NELL1: variants seen among roughly 807,000 people sequenced by gnomAD.
NELL1 encodes neural EGFL like 1, also known as protein kinase C-binding protein NELL1.
NELL1 carries 76 observed loss-of-function variants against 107.4 expected under a neutral mutation model. The ratio of observed to expected loss-of-function variants is 0.71; its 90% CI spans 0.59 to 0.86. NELL1 has a LOEUF of 0.86. NELL1 is among the 40% of genes least tolerant of loss of function. The probability of loss-of-function intolerance (pLI) is 0.00; values close to 1 mark genes in which losing one functional copy is unlikely to be tolerated. For missense variants in NELL1, 1,024 were observed against 1,005.5 expected, an observed-to-expected ratio of 1.02 and a Z score of -0.25; for synonymous variants, 353 against 341.2, an observed-to-expected ratio of 1.03 and a Z score of -0.38.
At chr11:21,209,886 A>G (rs1197689817) in intron 13 of NELL1, among the ~76,000 whole-genome samples, 1 of 152,176 alleles carries the variant, frequency 6.6e-6, no homozygotes. Context: ...AATAATCATT[A>G]CCCATTCTGC....
intron 3 of NELL1, among the ~76,000 whole-genome samples, chr11:20,841,319 G>GTTTTTTTTT (rs397772940): frequency 8.1e-6 from 1 of 123,532 alleles, no homozygotes. Flanking sequence ...CTCTGCTCAT[G>GTTTTTTTTT]TTTTTTTTTT....
intron 14 of NELL1, among the ~76,000 whole-genome samples, chr11:21,230,384 T>C (rs1298181083): frequency 3.9e-5 from 6 of 152,190 alleles, no homozygotes; most frequent in African/African-American, 1.4e-4. Context: ...ACACTTGATC[T>C]TCTCCCCCCA....
chr11:20,891,721 T>A, intron 5 of NELL1, among the ~76,000 whole-genome samples: 1 of 151,966 alleles, frequency 6.6e-6, no homozygotes. Flanking sequence ...TCCTAGTCTC[T>A]GACAAAACAG....
chr11:21,269,454 GA>G (rs989384068), intron 14 of NELL1, among the ~76,000 whole-genome samples: 8 of 149,910 alleles, frequency 5.3e-5, no homozygotes, highest in African/African-American at 7.4e-5. Context: ...AAATTCAGGA[GA>G]AAAAAAAATT....
chr11:20,976,340 A>G (rs1590488076), intron 12 of NELL1, among the ~76,000 whole-genome samples: 1 of 152,164 alleles, frequency 6.6e-6, no homozygotes, highest in East Asian at 1.9e-4. Flanking sequence ...GCCAAAACAC[A>G]ATCAGAATGT....
chr11:20,871,790 C>T (rs546183364), intron 4 of NELL1, among the ~76,000 whole-genome samples: 10 of 151,650 alleles, frequency 6.6e-5, no homozygotes, highest in Admixed American at 1.3e-4. Flanking sequence ...GAGGCCGAGG[C>T]GGGCAGATCA....
At chr11:20,755,559 T>TATTTTTTTTATTTATTTA (rs1554914196) in intron 2 of NELL1, among the ~76,000 whole-genome samples, 1 of 17,668 alleles carries the variant, frequency 5.7e-5, no homozygotes, top group African/African-American at 1.0e-4. Flanking sequence ...TGTTTTTGTT[T>TATTTTTTTTATTTATTTA]TTGTTTTTTT....
At chr11:20,685,388 G>A (rs1793000) in intron 2 of NELL1, among the ~76,000 whole-genome samples, 129,948 of 152,126 alleles carry the variant, frequency 0.85, 55,918 homozygotes, top group Non-Finnish European at 0.88. Context: ...CATGTGCTCA[G>A]TTGCTTTTTG....
chr11:21,195,034 T>C (rs748713655), intron 13 of NELL1, among the ~76,000 whole-genome samples: 1 of 152,128 alleles, frequency 6.6e-6, no homozygotes, highest in Non-Finnish European at 1.5e-5. Context: ...TCTTGGACTT[T>C]TCTTTATTAA....
chr11:20,810,692 C>CT (rs1857483940), intron 3 of NELL1, among the ~76,000 whole-genome samples: 1 of 152,088 alleles, frequency 6.6e-6, no homozygotes, highest in Admixed American at 6.5e-5. Flanking sequence ...GTGCAAGTTT[C>CT]TTTTTTGTAT....
chr11:20,678,067 G>T lies in NELL1; in HGVS notation c.184+7G>T, dbSNP rs746804678. ...AAAGCATTTTTATTTCAAGGTAAAG[G>T]CACCTCCTTTCTTGCATGGTGGCAG... On this transcript the variant is annotated splice_region_variant and intron_variant, in intron 2 of 19. Coordinates refer to ENST00000357134, the MANE Select transcript of NELL1 (RefSeq NM_006157.5). 11 of 1,614,012 alleles carry T rather than the reference G, an allele frequency of 6.8e-6. No individual in the cohort carries two copies. Among genetic ancestry groups the T allele is most frequent in the South Asian group, 1.1e-5 (1 of 91,062 alleles).
chr11:20,798,855 T>G (rs544224942), intron 3 of NELL1, among the ~76,000 whole-genome samples: 9 of 152,354 alleles, frequency 5.9e-5, no homozygotes, highest in African/African-American at 2.2e-4. Flanking sequence ...CATCAGATAC[T>G]AATCTGCTTT....
chr11:21,334,485 A>T (rs1850341386), intron 14 of NELL1, among the ~76,000 whole-genome samples: 1 of 151,922 alleles, frequency 6.6e-6, no homozygotes. Context: ...TGCTAAGATA[A>T]TACCCCCACC....
At chr11:20,690,115 C>T (rs983531469) in intron 2 of NELL1, among the ~76,000 whole-genome samples, 7 of 152,258 alleles carry the variant, frequency 4.6e-5, no homozygotes, top group African/African-American at 1.7e-4. Context: ...TATCCTTTGC[C>T]CACTTTTTGA....
rs193178584 is a variant in NELL1, at chr11:21,264,240, C to T, written c.1549+34786C>T. ...GAGCACAGGCTTAGGAGGAAGAGACCGAGATTGAATCTTCTGCTGACTTTG... is the reference window on the plus strand; with the variant it reads ...GAGCACAGGCTTAGGAGGAAGAGACTGAGATTGAATCTTCTGCTGACTTTG... On this transcript the variant is annotated intron_variant, in intron 14 of 19. Transcript: ENST00000357134. Among the ~76,000 whole-genome samples, 27 of 151,796 alleles carry T rather than the reference C, an allele frequency of 1.8e-4. No homozygotes were observed. In the East Asian group the frequency reaches 2.5e-3, roughly 14 times the overall value.
chr11:21,342,729 GAGAA>G (rs1403083452), intron 14 of NELL1, among the ~76,000 whole-genome samples: 1 of 150,406 alleles, frequency 6.6e-6, no homozygotes, highest in African/African-American at 2.4e-5. Flanking sequence ...GAGAGAGAAA[GAGAA>G]AGAAAGAGAA....
At chr11:21,528,607 A>C (rs1855919355) in intron 15 of NELL1, among the ~76,000 whole-genome samples, 1 of 146,876 alleles carries the variant, frequency 6.8e-6, no homozygotes, top group Non-Finnish European at 1.5e-5. Flanking sequence ...AGTCACCAGG[A>C]TCATGAGCAA....
intron 2 of NELL1, among the ~76,000 whole-genome samples, chr11:20,694,785 A>C (rs1315797057): frequency 6.6e-6 from 1 of 151,858 alleles, no homozygotes; most frequent in African/African-American, 2.4e-5. Flanking sequence ...TCTTTTTTGG[A>C]TCCACATACA....
intron 15 of NELL1, among the ~76,000 whole-genome samples, chr11:21,531,288 A>G (rs1233883021): frequency 1.3e-5 from 2 of 152,166 alleles, no homozygotes; most frequent in East Asian, 1.9e-4. Flanking sequence ...ATCCTTGCAC[A>G]TATTTTTAGC....
Sources: allele counts gnomAD v4.1 joint callset (sites outside exome capture counted in the v4.1 genomes callset), GRCh38; gene constraint gnomAD v4.1.1; transcripts MANE v1.5; gene names NCBI Gene and HGNC (gene_info 2026-07-23, HGNC 2026-07-21).